The following KPNA6 variants were observed in gnomAD, a reference collection of about 807,000 sequenced individuals.
KPNA6 encodes the protein karyopherin subunit alpha 6.
A neutral mutation model predicts 72.0 loss-of-function variants in KPNA6; 9 were observed. The observed-to-expected ratio is 0.13, with a 90% CI of 0.08 to 0.22. The LOEUF (loss-of-function observed/expected upper bound fraction) is 0.22, where lower values mean the gene tolerates loss of function less well. KPNA6 is among the 10% of genes least tolerant of loss of function. KPNA6 has a pLI of 1.00. For synonymous variants in KPNA6, 219 were observed against 242.1 expected, an observed-to-expected ratio of 0.90 and a Z score of 0.89; for missense variants, 374 against 655.7, an observed-to-expected ratio of 0.57 and a Z score of 4.69.
chr1:32,108,244 C>G, intron 1 of KPNA6, 110 bp downstream of exon 1: 8 of 1,503,226 alleles, frequency 5.3e-6, no homozygotes, highest in Non-Finnish European at 7.4e-6. Context: ...TCCCCTCTAG[C>G]TAGGTCTGAG....
At chr1:32,167,336 T>C in intron 12 of KPNA6, 40 bp downstream of exon 12, 1 of 1,612,276 alleles carries the variant, frequency 6.2e-7, no homozygotes, top group Non-Finnish European at 8.5e-7. Context: ...TGATAATGGA[T>C]GCTCTCCCTG....
At chr1:32,161,877 C>A in intron 7 of KPNA6, 70 bp from the exon 8 acceptor site, 1 of 1,147,814 alleles carries the variant, frequency 8.7e-7, no homozygotes, top group South Asian at 1.3e-5. Context: ...GGATTTGTCT[C>A]TGGGTTCATT....
At chr1:32,168,183 T>G (rs958083316) in intron 12 of KPNA6, among the ~76,000 whole-genome samples, 2 of 152,212 alleles carry the variant, frequency 1.3e-5, no homozygotes, top group African/African-American at 4.8e-5. Flanking sequence ...AAAAAGCAGC[T>G]TCTTTGAGAA....
intron 1 of KPNA6, among the ~76,000 whole-genome samples, chr1:32,141,365 T>C (rs1205445994): frequency 6.9e-6 from 1 of 144,234 alleles, no homozygotes; most frequent in African/African-American, 2.6e-5. Context: ...TTTTTTTTTT[T>C]AAGTTAATCC....
chr1:32,116,557 C>T (rs924180293), intron 1 of KPNA6, among the ~76,000 whole-genome samples: 8 of 152,046 alleles, frequency 5.3e-5, no homozygotes. Flanking sequence ...ATTTGGGAGG[C>T]TGAGGCAGAA....
At chr1:32,151,122 A>G (rs1642024983) in intron 1 of KPNA6, among the ~76,000 whole-genome samples, 1 of 152,132 alleles carries the variant, frequency 6.6e-6, no homozygotes, top group Non-Finnish European at 1.5e-5. Flanking sequence ...TTGGATTCCA[A>G]GCATTGTGAA....
intron 1 of KPNA6, among the ~76,000 whole-genome samples, chr1:32,140,985 G>A (rs79075774): frequency 0.014 from 2,191 of 152,226 alleles, 50 homozygotes; most frequent in African/African-American, 0.05. Context: ...CTTGTGTATT[G>A]TGGGTTATCT....
At chr1:32,144,691 C>G (rs1641900557) in intron 1 of KPNA6, among the ~76,000 whole-genome samples, 2 of 151,938 alleles carry the variant, frequency 1.3e-5, no homozygotes, top group Non-Finnish European at 2.9e-5. Context: ...CGCTCTGTCG[C>G]CCAGGGTGGA....
chr1:32,113,612 C>T (rs1050543613), intron 1 of KPNA6, among the ~76,000 whole-genome samples: 6 of 151,960 alleles, frequency 3.9e-5, no homozygotes, highest in African/African-American at 1.5e-4. Context: ...ACCACCATGC[C>T]CGGCTAATTT....
chr1:32,130,222 AT>A (rs55953899), intron 1 of KPNA6, among the ~76,000 whole-genome samples: 57,327 of 103,220 alleles, frequency 0.56, 16,352 homozygotes, highest in Non-Finnish European at 0.69. Flanking sequence ...GTAGATAAAT[AT>A]TTTTTTTTTT....
intron 13 of KPNA6, among the ~76,000 whole-genome samples, chr1:32,170,320 T>C (rs1252688202): frequency 6.6e-6 from 1 of 152,202 alleles, no homozygotes; most frequent in Non-Finnish European, 1.5e-5. Flanking sequence ...GGCTCATCTT[T>C]TGAGTTGAGA....
intron 13 of KPNA6, among the ~76,000 whole-genome samples, 159 bp downstream of exon 13, chr1:32,170,219 G>A (rs1220710897): frequency 1.3e-5 from 2 of 152,176 alleles, no homozygotes; most frequent in Admixed American, 6.5e-5. Flanking sequence ...TCCTGCCCTA[G>A]CCAAGTTTCA....
chr1:32,143,213 GCCA>G (rs1641871313), intron 1 of KPNA6, among the ~76,000 whole-genome samples: 1 of 152,104 alleles, frequency 6.6e-6, no homozygotes, highest in South Asian at 2.1e-4. Flanking sequence ...ACAGGTGCAT[GCCA>G]CCATGCCCAG....
At chr1:32,141,360 T>G (rs1227417696) in intron 1 of KPNA6, among the ~76,000 whole-genome samples, 1 of 150,108 alleles carries the variant, frequency 6.7e-6, no homozygotes, top group African/African-American at 2.4e-5. Flanking sequence ...AGGGCTTTTT[T>G]TTTTTAAGTT....
intron 9 of KPNA6, 46 bp from the exon 10 acceptor site, chr1:32,163,189 C>T (rs376231960): frequency 1.5e-5 from 20 of 1,295,518 alleles, no homozygotes; most frequent in Admixed American, 1.2e-4. Context: ...TCAGCAGGGC[C>T]GAAAATGGTG....
chr1:32,145,468 G>A (rs557746507), intron 1 of KPNA6, among the ~76,000 whole-genome samples: 9 of 151,654 alleles, frequency 5.9e-5, no homozygotes, highest in African/African-American at 2.2e-4. Flanking sequence ...GTGATTACAG[G>A]CACCCGCCAC....
intron 7 of KPNA6, 109 bp from the exon 8 acceptor site, chr1:32,161,838 C>A: frequency 1.3e-6 from 1 of 774,072 alleles, no homozygotes; most frequent in Non-Finnish European, 2.2e-6. Flanking sequence ...TAGGAAGAAA[C>A]AGGCTGCTAG....
At chr1:32,132,132 G>T (rs189138060) in intron 1 of KPNA6, among the ~76,000 whole-genome samples, 10 of 151,642 alleles carry the variant, frequency 6.6e-5, no homozygotes, top group Non-Finnish European at 1.2e-4. Context: ...CACCATACCC[G>T]GCTAATATTT....
At chr1:32,113,390 CAAAA>C (rs935786930) in intron 1 of KPNA6, among the ~76,000 whole-genome samples, 1 of 151,864 alleles carries the variant, frequency 6.6e-6, no homozygotes, top group Non-Finnish European at 1.5e-5. Context: ...GATCTTGTCT[CAAAA>C]AAACCCCAAA....
Sources: allele counts gnomAD v4.1 joint callset (sites outside exome capture counted in the v4.1 genomes callset), GRCh38; gene constraint gnomAD v4.1.1; transcripts MANE v1.5; gene names NCBI Gene and HGNC (gene_info 2026-07-23, HGNC 2026-07-21).